The following SLC12A7 variants were observed in gnomAD, a reference collection of about 807,000 sequenced individuals.
SLC12A7 encodes K-Cl cotransporter 4.
SLC12A7 carries 100 observed loss-of-function variants against 120.6 expected under a neutral mutation model. The ratio of observed to expected loss-of-function variants is 0.83; its 90% CI spans 0.71 to 0.98. The LOEUF (loss-of-function observed/expected upper bound fraction) is 0.98. Ranked by LOEUF, SLC12A7 falls within the 50% of genes least tolerant of loss-of-function variation. The probability of loss-of-function intolerance (pLI) is 0.00; values close to 1 mark genes in which losing one functional copy is unlikely to be tolerated. For synonymous variants in SLC12A7, 760 were observed against 678.0 expected (o/e 1.12, Z -1.88); for missense variants, 1,373 against 1,548.1 (o/e 0.89, Z 1.90).
At position 1,057,655 on chromosome 5, in the gene SLC12A7, G is replaced by A. The variant is rs770100697; in HGVS notation, c.2848-6C>T. 85 of 1,593,584 alleles carry A rather than the reference G, an allele frequency of 5.3e-5. No homozygotes were observed. The highest frequency in any genetic ancestry group is 1.2e-4 in the Admixed American group (7 of 59,154). On this transcript the variant is annotated splice_region_variant and splice_polypyrimidine_tract_variant and intron_variant, in intron 21 of 23. Transcript: ENST00000264930. ...CTGTCGTGGATCAGCTGGGCCTGGC[G>A]GGCCCGGGACTTGGTGAGACCAGCC...
At chr5:1,150,201 C>A in the SLC12A7 span, among the ~76,000 whole-genome samples, 1 of 152,306 alleles carries the variant, frequency 6.6e-6, no homozygotes, top group South Asian at 2.1e-4. Context: ...TCTCCCATCC[C>A]GGGAGCTGTT....
the SLC12A7 span, among the ~76,000 whole-genome samples, chr5:1,143,846 T>C: frequency 6.6e-6 from 1 of 151,970 alleles, no homozygotes; most frequent in Non-Finnish European, 1.5e-5. Context: ...CCTGGCCTCC[T>C]GGGCACCCTG....
chr5:1,055,343 G>A (rs1207817641), intron 22 of SLC12A7, among the ~76,000 whole-genome samples: 1 of 152,188 alleles, frequency 6.6e-6, no homozygotes, highest in Non-Finnish European at 1.5e-5. Context: ...GCAGGTACAC[G>A]TCCACCGGCA....
At chr5:1,088,234 C>T (rs954755835) in intron 5 of SLC12A7, 72 bp downstream of exon 5, 29 of 1,499,552 alleles carry the variant, frequency 1.9e-5, no homozygotes, top group Middle Eastern at 1.7e-4. Flanking sequence ...GCGGCCTCCT[C>T]GCGGTTGCCG....
At chr5:1,096,833 G>A (rs1741279023) in intron 1 of SLC12A7, among the ~76,000 whole-genome samples, 1 of 74,316 alleles carries the variant, frequency 1.3e-5, no homozygotes, top group Admixed American at 1.6e-4. Context: ...AGGGAAGGAA[G>A]GAGGGAGGGA....
intron 1 of SLC12A7, among the ~76,000 whole-genome samples, chr5:1,101,591 G>A (rs1174363592): frequency 2.0e-5 from 3 of 152,184 alleles, no homozygotes; most frequent in Non-Finnish European, 4.4e-5. Context: ...CTGAAGAACT[G>A]GCCACAAGTC....
At chr5:1,139,757 T>TGG in the SLC12A7 span, among the ~76,000 whole-genome samples, 214 of 152,304 alleles carry the variant, frequency 1.4e-3, 1 homozygote, top group African/African-American at 4.9e-3. Flanking sequence ...CCCCGTGTCT[T>TGG]TGGGGAAGGT....
chr5:1,142,444 T>C, the SLC12A7 span, among the ~76,000 whole-genome samples: 2 of 24,176 alleles, frequency 8.3e-5, no homozygotes, highest in Non-Finnish European at 1.4e-4. Flanking sequence ...CGCTGTCCCC[T>C]CCCCTCTCTG....
chr5:1,137,472 C>G, the SLC12A7 span, among the ~76,000 whole-genome samples: 11,278 of 152,292 alleles, frequency 0.074, 591 homozygotes, highest in Non-Finnish European at 0.11. Flanking sequence ...GGGGTCCCCA[C>G]TGCTAGAAGA....
chr5:1,154,390 C>CACACACACACACAG, the SLC12A7 span, among the ~76,000 whole-genome samples: 372 of 151,226 alleles, frequency 2.5e-3, 4 homozygotes, highest in Admixed American at 1.6e-3. Flanking sequence ...CACACACACA[C>CACACACACACACAG]AGAGACACAT....
intron 14 of SLC12A7, 61 bp downstream of exon 14, chr5:1,076,077 G>T: frequency 2.1e-6 from 3 of 1,403,934 alleles, no homozygotes; most frequent in Non-Finnish European, 2.9e-6. Flanking sequence ...CCTCACCAGT[G>T]GCAGAGGCAC....
Position 1,052,413 on chromosome 5 carries a change from T to C in SLC12A7, c.3199A>G (p.Arg1067Gly), listed in dbSNP as rs1735139631. 6.2e-7 allele frequency: 1 copy of C among 1,612,930 alleles called. No homozygotes were observed. The highest frequency in any genetic ancestry group is 8.5e-7 in the Non-Finnish European group (1 of 1,179,996). Residue 1067 changes from arginine (R) to glycine (G), a missense_variant, in exon 24 of 24, where the codon AGA becomes GGA. Transcript: ENST00000264930. Reference sequence around the variant, plus strand: ...CCGCCACCCCTGACCAGGAGGACTCTGTTCAGCCCCTCGGTCAGGACTTCA... The same window carrying C: ...CCGCCACCCCTGACCAGGAGGACTCCGTTCAGCCCCTCGGTCAGGACTTCA... ...FLEVLTEGLN[R>G]VLLVRGGGRE...
intron 1 of SLC12A7, 30 bp from the exon 2 acceptor site, chr5:1,094,278 C>G (rs1419133189): frequency 4.5e-6 from 7 of 1,548,224 alleles, no homozygotes; most frequent in Non-Finnish European, 6.2e-6. Flanking sequence ...TCAGAGTCAG[C>G]TTAGAAGGAA....
chr5:1,138,778 G>T, the SLC12A7 span, among the ~76,000 whole-genome samples: 1 of 152,186 alleles, frequency 6.6e-6, no homozygotes, highest in African/African-American at 2.4e-5. Flanking sequence ...AGAAGGACTT[G>T]GGCTCCAGAG....
the SLC12A7 span, among the ~76,000 whole-genome samples, chr5:1,125,634 G>A: frequency 6.6e-6 from 1 of 152,118 alleles, no homozygotes; most frequent in Non-Finnish European, 1.5e-5. Flanking sequence ...TGGTTAAAAT[G>A]TCTACCTGGG....
intron 17 of SLC12A7, among the ~76,000 whole-genome samples, chr5:1,070,113 G>A (rs1306272652): frequency 4.2e-5 from 1 of 23,844 alleles, no homozygotes; most frequent in Admixed American, 4.6e-4. Context: ...CCCAGCACAC[G>A]GGCATCACAC....
rs147609891 is a variant in SLC12A7 at position 1,057,584 on chromosome 5, C to G, written c.2913G>C (p.Pro971=). The change falls in exon 22 of 24, where the codon CCG becomes CCC. Residue 971 remains proline, a synonymous_variant. Transcript: ENST00000264930. ...TCATCTGCACCTTGTCTGGCGTAGG[C>G]GGCGCTTGGGTCCTGGCTGCCGCCG... ...HTAAAARTQA[P]PTPDKVQMTW... The G allele has an allele frequency of 6.2e-7, 1 of 1,611,338 alleles. No individual in the cohort carries two copies.
At chr5:1,074,734 A>C in intron 15 of SLC12A7, 63 bp from the exon 16 acceptor site, 1 of 1,497,472 alleles carries the variant, frequency 6.7e-7, no homozygotes, top group Non-Finnish European at 9.2e-7. Context: ...CCCACCTGGG[A>C]AAGGGGACTT....
At chr5:1,120,327 G>A in the SLC12A7 span, among the ~76,000 whole-genome samples, 1 of 152,248 alleles carries the variant, frequency 6.6e-6, no homozygotes, top group Non-Finnish European at 1.5e-5. Context: ...GGCAGTGTCC[G>A]GATCACACGA....
Sources: gnomAD v4.1 joint callset for allele counts (sites outside exome capture counted in the v4.1 genomes callset) on GRCh38, gnomAD v4.1.1 for gene constraint, MANE v1.5 for transcripts, NCBI Gene and HGNC (gene_info 2026-07-23, HGNC 2026-07-21) for gene names.